The following THADA variants were observed in gnomAD, a reference collection of about 807,000 sequenced individuals.
The protein encoded by THADA is tRNA (32-2'-O)-methyltransferase regulator THADA.
In THADA, 213 loss-of-function variants were observed where a neutral mutation model predicts 219.8. The observed-to-expected ratio is 0.97, with a 90% CI of 0.87 to 1.09. THADA has a LOEUF of 1.09. THADA is among the 50% of genes least tolerant of loss of function. THADA has a pLI of 0.00. For synonymous variants in THADA, 1,018 were observed against 828.9 expected (o/e 1.23, Z -3.92); for missense variants, 2,956 against 2,311.3 (o/e 1.28, Z -5.72).
chr2:43,240,555 C>T (rs1039733117), intron 36 of THADA, among the ~76,000 whole-genome samples: 1 of 152,218 alleles, frequency 6.6e-6, no homozygotes, highest in African/African-American at 2.4e-5. Flanking sequence ...CCAGGGCTCT[C>T]CACCCACCAG....
intron 36 of THADA, among the ~76,000 whole-genome samples, chr2:43,236,171 G>A (rs1358014142): frequency 6.6e-6 from 1 of 152,194 alleles, no homozygotes. Flanking sequence ...CGGGATGACA[G>A]GCAAAAGGGA....
At chr2:43,439,472 G>A (rs756979150) in intron 26 of THADA, among the ~76,000 whole-genome samples, 4 of 152,148 alleles carry the variant, frequency 2.6e-5, no homozygotes, top group African/African-American at 4.8e-5. Flanking sequence ...AGCTATCCAT[G>A]TTGTATATGC....
intron 10 of THADA, among the ~76,000 whole-genome samples, chr2:43,575,326 T>C (rs1699744350): frequency 6.6e-6 from 1 of 152,200 alleles, no homozygotes; most frequent in Non-Finnish European, 1.5e-5. Context: ...GACACACACC[T>C]ACAGTCCCAG....
chr2:43,426,939 G>A (rs1444820897), intron 28 of THADA, among the ~76,000 whole-genome samples: 1 of 152,080 alleles, frequency 6.6e-6, no homozygotes, highest in African/African-American at 2.4e-5. Flanking sequence ...ATACTTCTTG[G>A]AGGCCTACAT....
intron 36 of THADA, among the ~76,000 whole-genome samples, chr2:43,265,221 G>A (rs1053938568): frequency 2.0e-5 from 3 of 152,218 alleles, no homozygotes; most frequent in Non-Finnish European, 4.4e-5. Flanking sequence ...CTGAAAGGCT[G>A]CTGGGAGCAG....
chr2:43,271,443 C>T, intron 36 of THADA, among the ~76,000 whole-genome samples: 1 of 152,122 alleles, frequency 6.6e-6, no homozygotes, highest in East Asian at 1.9e-4. Flanking sequence ...CCAGGTAGAT[C>T]TGAAAAACAC....
chr2:43,388,615 A>C (rs147789630), intron 29 of THADA, among the ~76,000 whole-genome samples: 1 of 152,354 alleles, frequency 6.6e-6, no homozygotes, highest in African/African-American at 2.4e-5. Flanking sequence ...AGGTGCAAGG[A>C]ATAACAACCT....
At chr2:43,425,850 T>C (rs947404789) in intron 28 of THADA, among the ~76,000 whole-genome samples, 7 of 152,164 alleles carry the variant, frequency 4.6e-5, no homozygotes, top group African/African-American at 1.7e-4. Flanking sequence ...AGCAAGGCAG[T>C]TACAGAGCTA....
chr2:43,285,245 G>T (rs1352307680), intron 35 of THADA, among the ~76,000 whole-genome samples: 4 of 152,206 alleles, frequency 2.6e-5, no homozygotes, highest in African/African-American at 7.2e-5. Context: ...ATATGATCTG[G>T]ACTTGTGTCC....
intron 28 of THADA, among the ~76,000 whole-genome samples, chr2:43,418,409 G>A (rs973446958): frequency 6.6e-6 from 1 of 152,206 alleles, no homozygotes; most frequent in Non-Finnish European, 1.5e-5. Flanking sequence ...GTCACTGACA[G>A]CGGGAGGAAC....
At chr2:43,515,392 A>G (rs1285098679) in intron 22 of THADA, among the ~76,000 whole-genome samples, 1 of 89,904 alleles carries the variant, frequency 1.1e-5, no homozygotes, top group East Asian at 2.4e-4. Flanking sequence ...TATTTTATAT[A>G]TAATATATAT....
In THADA at chr2:43,510,830, G is replaced by A. The variant is rs192604987; in HGVS notation, c.3375-2050C>T. On this transcript the variant is annotated intron_variant, in intron 22 of 37. Transcript: ENST00000405975. The stretch of plus-strand genomic sequence containing the variant: ...TACTAAAAATACAAAAATTAGCCAG[G>A]TGTGGTGGCGGGCACCTGTAATCCC... 3.4e-3 allele frequency among the ~76,000 whole-genome samples: 517 copies of A among 151,884 alleles called. 2 individuals carry two copies. Among genetic ancestry groups the A allele is most frequent in the African/African-American group, 0.012 (500 of 41,428 alleles).
At chr2:43,293,487 A>G (rs1045324788) in intron 31 of THADA, among the ~76,000 whole-genome samples, 8 of 152,122 alleles carry the variant, frequency 5.3e-5, no homozygotes, top group African/African-American at 1.9e-4. Context: ...CATTCAATAA[A>G]TACGAACTCA....
At chr2:43,286,291 C>G (rs889358738) in intron 35 of THADA, among the ~76,000 whole-genome samples, 1 of 152,102 alleles carries the variant, frequency 6.6e-6, no homozygotes, top group Non-Finnish European at 1.5e-5. Flanking sequence ...CCTTATGAGC[C>G]GTGCTAAAGG....
At chr2:43,470,608 G>A (rs1441231981) in intron 26 of THADA, among the ~76,000 whole-genome samples, 3 of 152,088 alleles carry the variant, frequency 2.0e-5, no homozygotes, top group East Asian at 1.9e-4. Context: ...GAACACTCAC[G>A]AATGAGAAAA....
At chr2:43,455,197 G>A (rs1469780990) in intron 26 of THADA, among the ~76,000 whole-genome samples, 1 of 151,916 alleles carries the variant, frequency 6.6e-6, no homozygotes, top group Non-Finnish European at 1.5e-5. Context: ...TCCTTTTACT[G>A]TCTTCCCTAG....
rs149400670 is a variant in THADA at position 43,430,836 on chromosome 2, GA to G, written c.3837-535del. Among the ~76,000 whole-genome samples, 505 of 152,274 alleles carry G rather than the reference GA, an allele frequency of 3.3e-3. 2 individuals are homozygous for G. Among genetic ancestry groups the G allele is most frequent in the African/African-American group, 0.012 (482 of 41,542 alleles). On this transcript the variant is annotated intron_variant, in intron 26 of 37. Transcript: ENST00000405975. ...CACAACACCCCTCCCCAACAATCAT[GA>G]CAATGAAAATGTCTTTAGACATTGC...
intron 24 of THADA, 30 bp from the exon 25 acceptor site, chr2:43,498,985 G>T: frequency 5.8e-6 from 9 of 1,540,848 alleles, no homozygotes; most frequent in Non-Finnish European, 7.9e-6. Flanking sequence ...ATTAGTTGTG[G>T]GTTGAAAACC....
chr2:43,300,315 G>C (rs372806480), intron 31 of THADA, among the ~76,000 whole-genome samples: 1 of 151,760 alleles, frequency 6.6e-6, no homozygotes, highest in East Asian at 2.0e-4. Flanking sequence ...ATTACTTTTA[G>C]AATTGACACT....
Sources: allele counts gnomAD v4.1 joint callset (sites outside exome capture counted in the v4.1 genomes callset), GRCh38; gene constraint gnomAD v4.1.1; transcripts MANE v1.5; gene names NCBI Gene and HGNC (gene_info 2026-07-23, HGNC 2026-07-21).